SEPTIN9: variants seen among roughly 807,000 people sequenced by gnomAD.
SEPTIN9 encodes septin-9.
In SEPTIN9, 13 loss-of-function variants were observed where a neutral mutation model predicts 56.6. The observed-to-expected ratio is 0.23, with a 90% confidence interval of 0.15 to 0.37. SEPTIN9 has a LOEUF of 0.37. Among genes scored for constraint, SEPTIN9 ranks in the 10% least tolerant of loss-of-function variants. The pLI is 1.00. For missense variants in SEPTIN9, 650 were observed against 823.1 expected (o/e 0.79, Z 2.57); for synonymous variants, 332 against 334.1 (o/e 0.99, Z 0.07).
intron 1 of SEPTIN9, among the ~76,000 whole-genome samples, chr17:77,289,837 A>G (rs989812727): frequency 1.3e-5 from 2 of 152,220 alleles, no homozygotes; most frequent in Admixed American, 6.5e-5. Flanking sequence ...CATGAACAGG[A>G]AATTGAAAGG....
chr17:77,488,353 G>C (rs762259271), intron 6 of SEPTIN9, 32 bp downstream of exon 6: 2 of 1,578,608 alleles, frequency 1.3e-6, no homozygotes, highest in Non-Finnish European at 1.7e-6. Flanking sequence ...GAGCACTAGC[G>C]GGGGCTTCAG....
intron 3 of SEPTIN9, among the ~76,000 whole-genome samples, chr17:77,440,915 T>C (rs1483690274): frequency 6.6e-6 from 1 of 152,194 alleles, no homozygotes; most frequent in Non-Finnish European, 1.5e-5. Flanking sequence ...AGCTGGGTGG[T>C]GGAGACCTTG....
chr17:77,281,766 C>T, intron 1 of SEPTIN9: 2 of 515,272 alleles, frequency 3.9e-6, no homozygotes, highest in Non-Finnish European at 6.8e-6. Flanking sequence ...CCAGCCCTTG[C>T]TCGAGTGTCG....
At chr17:77,477,814 G>A (rs1046660478) in intron 3 of SEPTIN9, among the ~76,000 whole-genome samples, 3 of 152,144 alleles carry the variant, frequency 2.0e-5, no homozygotes, top group Non-Finnish European at 4.4e-5. Flanking sequence ...GTGGGGTGAC[G>A]TGTCAGTTAC....
At chr17:77,385,634 C>T (rs888270553) in intron 2 of SEPTIN9, among the ~76,000 whole-genome samples, 2 of 152,250 alleles carry the variant, frequency 1.3e-5, no homozygotes, top group East Asian at 3.8e-4. Flanking sequence ...GATGAGGAAG[C>T]AGAGGCCGGA....
At chr17:77,366,446 G>A (rs995501831) in intron 2 of SEPTIN9, among the ~76,000 whole-genome samples, 3 of 152,192 alleles carry the variant, frequency 2.0e-5, no homozygotes, top group Admixed American at 6.6e-5. Context: ...CAGCAGAGCC[G>A]CTGGTGGCCT....
In SEPTIN9 at chr17:77,487,924, G is replaced by T. The variant is rs780245737; in HGVS notation, c.1043-316G>T. On this transcript the variant is annotated intron_variant, in intron 5 of 11. Coordinates refer to ENST00000427177, the MANE Select transcript of SEPTIN9 (RefSeq NM_001113491.2). The surrounding 1 kb of genome is among the most constrained non-coding windows in gnomAD (Gnocchi z 4.3). ...GGTCCCCAAGACGGGGACTCGCTGT[G>T]CCCACCATCCCCAGCATGTTGAGCA... 3.4e-4 allele frequency among the ~76,000 whole-genome samples: 51 copies of T among 152,166 alleles called. No individual in the cohort carries two copies. The highest frequency in any genetic ancestry group is 7.2e-4 in the Admixed American group (11 of 15,292).
At position 77,319,998 on chromosome 17, in the gene SEPTIN9, G is replaced by T; in HGVS notation, c.76+12801G>T. ...CTCTCGCAGGCAGACCCGGTGGTCT[G>T]CCGGACTCCTCGGGGCCCACTTCGG... On this transcript the variant is annotated intron_variant, in intron 2 of 11. Transcript: ENST00000427177. This position sits in a 1 kb window ranked among gnomAD's most constrained non-coding sequence, Gnocchi z 5.3. The T allele has an allele frequency of 7.9e-7, 1 of 1,264,900 alleles. No homozygotes were observed. Among genetic ancestry groups the T allele is most frequent in the Non-Finnish European group, 1.0e-6 (1 of 1,000,140 alleles). The allele number at this position is 1,264,900 out of a possible 1,614,324, so 78.4% of individuals were successfully genotyped here.
At chr17:77,350,671 A>G (rs2034030750) in intron 2 of SEPTIN9, among the ~76,000 whole-genome samples, 1 of 149,120 alleles carries the variant, frequency 6.7e-6, no homozygotes, top group Non-Finnish European at 1.5e-5. Flanking sequence ...TACAGAGGAA[A>G]TAATTCCCGT....
intron 3 of SEPTIN9, among the ~76,000 whole-genome samples, chr17:77,430,253 G>T (rs1289665056): frequency 6.6e-6 from 1 of 152,192 alleles, no homozygotes; most frequent in African/African-American, 2.4e-5. Flanking sequence ...CTGTCAGTAG[G>T]GGGCAGTGGA....
chr17:77,441,755 T>G (rs1771871265), intron 3 of SEPTIN9, among the ~76,000 whole-genome samples: 1 of 152,200 alleles, frequency 6.6e-6, no homozygotes, highest in Admixed American at 6.5e-5. Flanking sequence ...TGCCTCTGTC[T>G]AGCGCAAGAG....
intron 2 of SEPTIN9, among the ~76,000 whole-genome samples, chr17:77,388,523 C>T (rs2035418593): frequency 6.6e-6 from 1 of 152,204 alleles, no homozygotes; most frequent in Admixed American, 6.5e-5. Context: ...CACTGTGGCT[C>T]TGCCGTCACC....
intron 3 of SEPTIN9, among the ~76,000 whole-genome samples, chr17:77,431,371 A>G (rs1482654131): frequency 6.6e-6 from 1 of 152,256 alleles, no homozygotes; most frequent in Non-Finnish European, 1.5e-5. Flanking sequence ...AATCACACCT[A>G]CTTGTGACAA....
intron 3 of SEPTIN9, among the ~76,000 whole-genome samples, chr17:77,480,255 C>T (rs746395274): frequency 6.6e-6 from 1 of 152,204 alleles, no homozygotes; most frequent in Non-Finnish European, 1.5e-5. Flanking sequence ...GCTGAGAAGA[C>T]GGGGAGGTGC....
intron 3 of SEPTIN9, among the ~76,000 whole-genome samples, chr17:77,413,918 C>G (rs1028125438): frequency 1.3e-5 from 2 of 149,618 alleles, no homozygotes; most frequent in Non-Finnish European, 3.0e-5. Flanking sequence ...CTTTACCATG[C>G]GTGTGCTACA....
At chr17:77,457,439 A>G (rs771601427) in intron 3 of SEPTIN9, among the ~76,000 whole-genome samples, 13 of 152,148 alleles carry the variant, frequency 8.5e-5, no homozygotes, top group Non-Finnish European at 1.6e-4. Flanking sequence ...AGATAGGGGA[A>G]CCCAGTGTGG....
At chr17:77,385,156 AC>A (rs999450852) in intron 2 of SEPTIN9, among the ~76,000 whole-genome samples, 4 of 126,728 alleles carry the variant, frequency 3.2e-5, no homozygotes, top group Admixed American at 1.7e-4. Context: ...ACATAGGGAG[AC>A]CCCCACCTTT....
Position 77,451,581 on chromosome 17 carries a change from C to G in SEPTIN9, c.722-30563C>G, listed in dbSNP as rs370788097. ...GCCTTGCACCACTGGCTCGGGGGCTCTCAGGTGGCGCGGCCGCGAGGCGGA... is the reference window on the plus strand; with the variant it reads ...GCCTTGCACCACTGGCTCGGGGGCTGTCAGGTGGCGCGGCCGCGAGGCGGA... On this transcript the variant is annotated intron_variant, in intron 3 of 11. Coordinates refer to ENST00000427177, the MANE Select transcript of SEPTIN9 (RefSeq NM_001113491.2). This position sits in a 1 kb window ranked among gnomAD's most constrained non-coding sequence, Gnocchi z 4.2. 1.4e-5 allele frequency: 14 copies of G among 982,742 alleles called. No individual in the cohort carries two copies. Among genetic ancestry groups the G allele is most frequent in the Non-Finnish European group, 1.7e-5 (14 of 827,484 alleles). 60.9% of individuals were successfully genotyped at this position (982,742 alleles called of 1,614,324 possible).
intron 3 of SEPTIN9, among the ~76,000 whole-genome samples, chr17:77,477,631 C>G (rs539253823): frequency 2.6e-5 from 4 of 152,142 alleles, no homozygotes; most frequent in Non-Finnish European, 5.9e-5. Flanking sequence ...GCCACAGCCT[C>G]GGGCACCCAG....
Sources: allele counts gnomAD v4.1 joint callset (sites outside exome capture counted in the v4.1 genomes callset), GRCh38; gene constraint gnomAD v4.1.1; non-coding constraint Gnocchi (gnomAD v3.1); transcripts MANE v1.5; gene names NCBI Gene and HGNC (gene_info 2026-07-23, HGNC 2026-07-21).